ADGRL2: variants seen among roughly 807,000 people sequenced by gnomAD.
ADGRL2 encodes adhesion G protein-coupled receptor L2, also known as calcium-independent alpha-latrotoxin receptor 2.
A neutral mutation model predicts 157.4 loss-of-function variants in ADGRL2; 44 were observed. The ratio of observed to expected loss-of-function variants is 0.28; its 90% CI spans 0.22 to 0.36. The LOEUF (loss-of-function observed/expected upper bound fraction) is 0.36, where lower values mean the gene tolerates loss of function less well. Among genes scored for constraint, ADGRL2 ranks in the 10% least tolerant of loss-of-function variants. ADGRL2 has a pLI of 1.00. For synonymous variants in ADGRL2, 585 were observed against 624.7 expected (o/e 0.94, Z 0.95); for missense variants, 1,510 against 1,768.9 (o/e 0.85, Z 2.63).
At chr1:81,379,773 C>T (rs546877108) in intron 1 of ADGRL2, among the ~76,000 whole-genome samples, 71 of 152,276 alleles carry the variant, frequency 4.7e-4, no homozygotes, top group African/African-American at 1.6e-3. Context: ...CTTTGTTGTC[C>T]AGCAGCTTCT....
chr1:81,732,626 T>C (rs2084763847), intron 1 of ADGRL2, among the ~76,000 whole-genome samples: 1 of 152,150 alleles, frequency 6.6e-6, no homozygotes, highest in Non-Finnish European at 1.5e-5. Flanking sequence ...TAAACTAGTT[T>C]AAGAAGATAA....
intron 1 of ADGRL2, among the ~76,000 whole-genome samples, chr1:81,713,332 A>G (rs1191731543): frequency 6.6e-6 from 1 of 152,186 alleles, no homozygotes; most frequent in Non-Finnish European, 1.5e-5. Context: ...TATGCCAAGC[A>G]GTCTAAAATT....
At chr1:81,456,883 T>C (rs1444255489) in intron 2 of ADGRL2, among the ~76,000 whole-genome samples, 2 of 152,104 alleles carry the variant, frequency 1.3e-5, no homozygotes, top group Non-Finnish European at 2.9e-5. Flanking sequence ...TTCCTCTCTT[T>C]TTCTTTTCTA....
At chr1:81,387,080 T>C (rs1263651037) in intron 1 of ADGRL2, among the ~76,000 whole-genome samples, 1 of 152,188 alleles carries the variant, frequency 6.6e-6, no homozygotes, top group East Asian at 1.9e-4. Context: ...CATTTTGGAA[T>C]TAACGTTAGC....
intron 3 of ADGRL2, among the ~76,000 whole-genome samples, chr1:81,913,506 G>T (rs1002688014): frequency 6.6e-6 from 1 of 152,156 alleles, no homozygotes; most frequent in Non-Finnish European, 1.5e-5. Flanking sequence ...TTCTTGCCAC[G>T]AGGCAAGCCA....
chr1:81,649,191 AT>A (rs796348249), intron 3 of ADGRL2, among the ~76,000 whole-genome samples: 59 of 152,234 alleles, frequency 3.9e-4, no homozygotes, highest in African/African-American at 1.4e-3. Context: ...GGCCTCTACC[AT>A]CCCAGTCAAA....
chr1:81,584,168 A>T (rs2080975946), intron 3 of ADGRL2, among the ~76,000 whole-genome samples: 1 of 152,148 alleles, frequency 6.6e-6, no homozygotes, highest in African/African-American at 2.4e-5. Flanking sequence ...AGGGCCTAAT[A>T]AACTAACTTC....
intron 1 of ADGRL2, among the ~76,000 whole-genome samples, chr1:81,820,938 G>A (rs544975034): frequency 6.6e-6 from 1 of 152,180 alleles, no homozygotes; most frequent in African/African-American, 2.4e-5. Context: ...CAAGCATTAG[G>A]ATCCGCCCAT....
At chr1:81,729,328 T>G (rs1277504019) in intron 1 of ADGRL2, among the ~76,000 whole-genome samples, 1 of 152,162 alleles carries the variant, frequency 6.6e-6, no homozygotes, top group Non-Finnish European at 1.5e-5. Flanking sequence ...GTTTATTTTT[T>G]GTTCTACTAA....
At chr1:81,771,759 A>G (rs866788590) in intron 2 of ADGRL2, among the ~76,000 whole-genome samples, 3 of 152,178 alleles carry the variant, frequency 2.0e-5, no homozygotes, top group Non-Finnish European at 1.5e-5. Flanking sequence ...AAATTCCAGG[A>G]GTATACGCCC....
At chr1:81,347,416 G>T (rs1441543184) in intron 1 of ADGRL2, among the ~76,000 whole-genome samples, 1 of 151,864 alleles carries the variant, frequency 6.6e-6, no homozygotes, top group Non-Finnish European at 1.5e-5. Context: ...AAAAATTTCT[G>T]GTGAGGTCTT....
chr1:81,337,218 C>A (rs184101379), intron 1 of ADGRL2, among the ~76,000 whole-genome samples: 2 of 152,190 alleles, frequency 1.3e-5, no homozygotes, highest in African/African-American at 4.8e-5. Context: ...TTCCTAGATG[C>A]CGAACAAGAG....
At chr1:81,605,733 CA>C (rs2148652226) in intron 3 of ADGRL2, among the ~76,000 whole-genome samples, 1 of 152,272 alleles carries the variant, frequency 6.6e-6, no homozygotes, top group East Asian at 1.9e-4. Flanking sequence ...TGATTTACAT[CA>C]GTCATTTTTG....
intron 3 of ADGRL2, among the ~76,000 whole-genome samples, chr1:81,617,077 A>G (rs550989784): frequency 6.6e-6 from 1 of 152,292 alleles, no homozygotes; most frequent in East Asian, 1.9e-4. Context: ...GAGGTCCCCA[A>G]TCCCCAAGCC....
At chr1:81,958,988 G>A (rs562695362) in intron 11 of ADGRL2, among the ~76,000 whole-genome samples, 12 of 152,152 alleles carry the variant, frequency 7.9e-5, no homozygotes, top group African/African-American at 2.6e-4. Context: ...CCTTTTTATT[G>A]CTGAGTATTA....
intron 2 of ADGRL2, among the ~76,000 whole-genome samples, chr1:81,884,894 G>T (rs1429047874): frequency 1.3e-5 from 2 of 152,160 alleles, no homozygotes; most frequent in African/African-American, 4.8e-5. Flanking sequence ...ATTCATAATT[G>T]AGTGATCTGT....
At position 81,988,277 on chromosome 1, in the gene ADGRL2, C is replaced by T. The variant is rs907083677; in HGVS notation, c.3655+391C>T. 4 of 152,302 alleles carry T rather than the reference C, an allele frequency of 2.6e-5. No individual in the cohort carries two copies. The East Asian group carries it at 7.7e-4, about 29-fold the overall frequency. 9.4% of individuals were successfully genotyped at this position (152,302 alleles called of 1,614,324 possible). A position where few individuals can be genotyped will look rare whatever the true frequency, so the allele number is the denominator to read the frequency against. On this transcript the variant is annotated intron_variant, in intron 23 of 23. Transcript: ENST00000686636. The stretch of plus-strand genomic sequence containing the variant: ...CAGAAAAAGATAACCTCTTCAAAAC[C>T]AGTCAAAGATGGCTTAAATCTGCAG...
rs79284742 is a variant in ADGRL2 at position 81,483,224 on chromosome 1, G to A, written c.-248+38135G>A. ...AGCTTCTCATGGACACTTTTTTAAA[G>A]TTCCAGTTTTAGAGCGACAAGTGCC... On this transcript the variant is annotated intron_variant, in intron 2 of 24. Coordinates refer to the ADGRL2 transcript ENST00000370721. Among the ~76,000 whole-genome samples the A allele has an allele frequency of 0.021, 3,127 of 152,168 alleles. 325 individuals carry two copies. The East Asian group carries it at 0.34, about 17-fold the overall frequency.
chr1:81,406,168 C>T (rs1263059448), intron 1 of ADGRL2, among the ~76,000 whole-genome samples: 1 of 152,160 alleles, frequency 6.6e-6, no homozygotes, highest in African/African-American at 2.4e-5. Context: ...GAAATGGCCT[C>T]CAGTAAAGTT....
Sources: allele counts gnomAD v4.1 joint callset (sites outside exome capture counted in the v4.1 genomes callset), GRCh38; gene constraint gnomAD v4.1.1; transcripts MANE v1.5; gene names NCBI Gene and HGNC (gene_info 2026-07-23, HGNC 2026-07-21).